LAMB1: variants seen among roughly 807,000 people sequenced by gnomAD.
LAMB1 encodes laminin subunit beta-1.
A neutral mutation model predicts 222.3 loss-of-function variants in LAMB1; 121 were observed. The observed-to-expected ratio is 0.54, with a 90% CI of 0.47 to 0.63. The LOEUF (loss-of-function observed/expected upper bound fraction) is 0.63, where lower values mean the gene tolerates loss of function less well. Among genes scored for constraint, LAMB1 ranks in the 30% least tolerant of loss-of-function variants. The probability of loss-of-function intolerance (pLI) is 0.00; values close to 1 mark genes in which losing one functional copy is unlikely to be tolerated. For missense variants in LAMB1, 2,172 were observed against 2,240.8 expected (o/e 0.97, Z 0.62); for synonymous variants, 794 against 807.2 (o/e 0.98, Z 0.28).
At chr7:107,954,220 T>C (rs1287095388) in intron 21 of LAMB1, among the ~76,000 whole-genome samples, 1 of 152,116 alleles carries the variant, frequency 6.6e-6, no homozygotes, top group Non-Finnish European at 1.5e-5. Context: ...AGTGACATGA[T>C]AATAGCTCAC....
chr7:107,983,113 C>G (rs999406653), intron 7 of LAMB1, among the ~76,000 whole-genome samples: 6 of 152,172 alleles, frequency 3.9e-5, no homozygotes, highest in African/African-American at 1.4e-4. Context: ...CTGGACACAT[C>G]TATTAAATAT....
At chr7:107,994,715 G>A (rs1476725773) in intron 5 of LAMB1, among the ~76,000 whole-genome samples, 172 bp downstream of exon 5, 1 of 152,206 alleles carries the variant, frequency 6.6e-6, no homozygotes, top group East Asian at 1.9e-4. Flanking sequence ...TAGAGTATTT[G>A]TTAAATGCAG....
chr7:108,002,217 G>A, intron 2 of LAMB1: 1 of 1,349,164 alleles, frequency 7.4e-7, no homozygotes, highest in Non-Finnish European at 9.8e-7. Context: ...AAGCGAGAGT[G>A]CGTGTGCGTG....
At chr7:107,949,311 C>A (rs546773616) in intron 24 of LAMB1, among the ~76,000 whole-genome samples, 3 of 152,316 alleles carry the variant, frequency 2.0e-5, no homozygotes, top group Admixed American at 6.5e-5. Flanking sequence ...GGGTAGCAGG[C>A]CTTTCCTGCT....
intron 28 of LAMB1, 83 bp downstream of exon 28, chr7:107,932,091 A>T: frequency 8.1e-7 from 1 of 1,234,302 alleles, no homozygotes; most frequent in Non-Finnish European, 1.2e-6. Context: ...AGCATTTAGA[A>T]TTGATTTCTC....
chr7:107,977,727 C>T (rs1243619931), intron 9 of LAMB1, among the ~76,000 whole-genome samples: 2 of 151,972 alleles, frequency 1.3e-5, no homozygotes, highest in African/African-American at 2.4e-5. Flanking sequence ...TGCAGTGAGC[C>T]GCCTGTGCCA....
chr7:107,989,484 A>G (rs2034141133), intron 5 of LAMB1, among the ~76,000 whole-genome samples: 1 of 152,238 alleles, frequency 6.6e-6, no homozygotes, highest in African/African-American at 2.4e-5. Context: ...CTGATAAAAG[A>G]TGTCAAGGAT....
intron 13 of LAMB1, among the ~76,000 whole-genome samples, chr7:107,969,037 C>T (rs1188986309): frequency 6.6e-6 from 1 of 152,008 alleles, no homozygotes; most frequent in African/African-American, 2.4e-5. Context: ...GCCTGTAATC[C>T]CAGCACTTTG....
At chr7:107,957,185 T>A (rs1194828590) in intron 20 of LAMB1, among the ~76,000 whole-genome samples, 1 of 151,792 alleles carries the variant, frequency 6.6e-6, no homozygotes, top group Non-Finnish European at 1.5e-5. Flanking sequence ...AGGTTGGGAG[T>A]TTGAGACCAG....
Position 107,986,165 on chromosome 7 carries a change from G to A in LAMB1, c.612+10C>T. On this transcript the variant is annotated intron_variant, in intron 6 of 33. Coordinates refer to ENST00000222399, the MANE Select transcript of LAMB1 (RefSeq NM_002291.3). ...TGCAAGTAGAATGTAAAACACAGAA[G>A]CAAACAAACCTCTCCTTCAGTTGAG... 6.2e-7 allele frequency: 1 copy of A among 1,612,930 alleles called. No homozygotes were observed. The highest frequency in any genetic ancestry group is 8.5e-7 in the Non-Finnish European group (1 of 1,179,012).
intron 25 of LAMB1, among the ~76,000 whole-genome samples, chr7:107,938,873 G>A (rs964256430): frequency 3.2e-4 from 49 of 152,308 alleles, no homozygotes; most frequent in African/African-American, 1.2e-3. Context: ...TCAAGGTCCA[G>A]TTACTTTAAA....
In LAMB1 at chr7:107,962,983, T is replaced by C. The variant is rs2033543824; in HGVS notation, c.1779A>G (p.Glu593=). 4 of 1,613,912 alleles carry C rather than the reference T, an allele frequency of 2.5e-6. No individual in the cohort carries two copies. Among genetic ancestry groups the C allele is most frequent in the African/African-American group, 1.3e-5 (1 of 74,902 alleles). The change falls in exon 15 of 34, where the codon GAA becomes GAG. Residue 593 remains glutamate (E), a synonymous_variant. Coordinates refer to ENST00000222399, the MANE Select transcript of LAMB1 (RefSeq NM_002291.3). ...CAATGAAAAACTCCAAATAAGCCCCTTCAGGCACTCGGACGAAGCCGGCTC... is the reference window on the plus strand; with the variant it reads ...CAATGAAAAACTCCAAATAAGCCCCCTCAGGCACTCGGACGAAGCCGGCTC... ...WTGAGFVRVP[E]GAYLEFFIDN... is the part of the protein sequence containing the mutation.
chr7:107,953,838 A>G, intron 21 of LAMB1, 84 bp from the exon 22 acceptor site: 1 of 1,195,048 alleles, frequency 8.4e-7, no homozygotes, highest in Non-Finnish European at 1.2e-6. Context: ...GCCTAGAGAG[A>G]GCTGATCGTG....
At chr7:107,980,428 T>A (rs1161160213) in intron 8 of LAMB1, among the ~76,000 whole-genome samples, 181 bp downstream of exon 8, 2 of 152,192 alleles carry the variant, frequency 1.3e-5, no homozygotes, top group African/African-American at 4.8e-5. Context: ...ATTCTCCGTG[T>A]CCAAGAAACT....
At chr7:107,929,852 G>A in intron 29 of LAMB1, 1 of 554,234 alleles carries the variant, frequency 1.8e-6, no homozygotes, top group Non-Finnish European at 3.2e-6. Context: ...GTTTTAGGCT[G>A]GGTAGTGAGG....
chr7:107,967,005 C>T (rs1029497985), intron 13 of LAMB1, among the ~76,000 whole-genome samples: 1 of 152,182 alleles, frequency 6.6e-6, no homozygotes, highest in Non-Finnish European at 1.5e-5. Context: ...TGCAGATGGC[C>T]CTCACCCTAC....
chr7:107,989,227 G>A (rs1396859527), intron 5 of LAMB1, among the ~76,000 whole-genome samples: 2 of 152,188 alleles, frequency 1.3e-5, no homozygotes, highest in African/African-American at 4.8e-5. Context: ...TGAAAAATAG[G>A]CAAACAGGCA....
chr7:107,980,033 C>T (rs2033942173), intron 8 of LAMB1, among the ~76,000 whole-genome samples: 1 of 152,062 alleles, frequency 6.6e-6, no homozygotes, highest in Admixed American at 6.6e-5. Flanking sequence ...CATGATGAAA[C>T]CCCACCTCTA....
At chr7:108,001,827 A>G (rs1419928012) in intron 2 of LAMB1, 94 bp from the exon 3 acceptor site, 3 of 1,554,680 alleles carry the variant, frequency 1.9e-6, no homozygotes, top group South Asian at 2.4e-5. Context: ...GTGGGTGCGG[A>G]GAGAGGACAG....
Sources: allele counts gnomAD v4.1 joint callset (sites outside exome capture counted in the v4.1 genomes callset), GRCh38; gene constraint gnomAD v4.1.1; transcripts MANE v1.5; gene names NCBI Gene and HGNC (gene_info 2026-07-23, HGNC 2026-07-21).